Variants in TAB2 observed in about 807,000 individuals in gnomAD.
TAB2 encodes the protein TGF-beta-activated kinase 1 and MAP3K7-binding protein 2.
Under a neutral mutation model 65.0 loss-of-function variants are expected in TAB2, and 3 were observed. The observed-to-expected ratio is 0.05, with a 90% CI of 0.02 to 0.12. The LOEUF is 0.12. Among genes scored for constraint, TAB2 ranks in the 10% least tolerant of loss-of-function variants. The pLI is 1.00. For missense variants in TAB2, 623 were observed against 840.3 expected, an observed-to-expected ratio of 0.74 and a Z score of 3.20; for synonymous variants, 298 against 285.1, an observed-to-expected ratio of 1.05 and a Z score of -0.46.
chr6:149,326,779 C>T (rs1779634269), intron 1 of TAB2, among the ~76,000 whole-genome samples: 1 of 152,152 alleles, frequency 6.6e-6, no homozygotes, highest in Non-Finnish European at 1.5e-5. Flanking sequence ...AACTCCTGAC[C>T]TCAGGTGATC....
intron 1 of TAB2, among the ~76,000 whole-genome samples, chr6:149,238,076 C>T (rs1485076918): frequency 1.3e-5 from 2 of 152,178 alleles, no homozygotes; most frequent in Non-Finnish European, 2.9e-5. Context: ...TGGCTCCCAC[C>T]TTCACTAATT....
chr6:149,403,852 C>T (rs1347939578), intron 6 of TAB2, among the ~76,000 whole-genome samples: 1 of 152,074 alleles, frequency 6.6e-6, no homozygotes, highest in Admixed American at 6.6e-5. Flanking sequence ...GAGAAACCTG[C>T]ACCAAGGTAT....
intron 1 of TAB2, among the ~76,000 whole-genome samples, chr6:149,234,124 ACTCACAAACCG>A (rs1777453269): frequency 6.6e-6 from 1 of 152,126 alleles, no homozygotes. Context: ...GACACCTATG[ACTCACAAACCG>A]CTCCTAGTAT....
chr6:149,379,535 AGGTGG>A lies in TAB2; in HGVS notation c.1603+19_1603+23del. ...ACACACAAGGTAATATGAATACTAA[AGGTGG>A]GATGGTTTTCCATGCTGGGCTTGTT... On this transcript the variant is annotated intron_variant, in intron 3 of 6. Coordinates refer to ENST00000637181, the MANE Select transcript of TAB2 (RefSeq NM_001292034.3). The A allele has an allele frequency of 6.2e-7, 1 of 1,613,660 alleles. No individual in the cohort carries two copies. The highest frequency in any genetic ancestry group is 1.7e-5 in the Admixed American group (1 of 60,026).
At chr6:149,256,724 A>G (rs1162822182) in intron 1 of TAB2, among the ~76,000 whole-genome samples, 1 of 152,194 alleles carries the variant, frequency 6.6e-6, no homozygotes, top group Non-Finnish European at 1.5e-5. Flanking sequence ...AAAATATAAG[A>G]TGACTGACAT....
chr6:149,300,784 A>C (rs756498895), intron 1 of TAB2, among the ~76,000 whole-genome samples: 1 of 152,170 alleles, frequency 6.6e-6, no homozygotes, highest in Non-Finnish European at 1.5e-5. Context: ...CCAGGAGAGC[A>C]CTGGGGGGGT....
At chr6:149,372,278 C>T (rs1247637635) in intron 2 of TAB2, 3 of 151,974 alleles carry the variant, frequency 2.0e-5, no homozygotes, top group Non-Finnish European at 2.9e-5. Flanking sequence ...ATAGACAGAG[C>T]AAGACAAATA....
intron 1 of TAB2, among the ~76,000 whole-genome samples, chr6:149,349,071 C>T (rs1318660322): frequency 2.0e-5 from 3 of 151,322 alleles, no homozygotes; most frequent in African/African-American, 7.3e-5. Context: ...CTCAATGAGA[C>T]CTAAAGTTTG....
intron 1 of TAB2, among the ~76,000 whole-genome samples, chr6:149,305,486 CT>C (rs1363575741): frequency 2.0e-5 from 3 of 152,076 alleles, no homozygotes; most frequent in African/African-American, 7.2e-5. Context: ...ATAAAAGCAC[CT>C]CCTAATTACT....
intron 1 of TAB2, among the ~76,000 whole-genome samples, chr6:149,231,970 G>T (rs1777414143): frequency 6.6e-6 from 1 of 152,198 alleles, no homozygotes. Context: ...GCAAAGGACA[G>T]CGAGAGGATC....
At chr6:149,274,267 T>C (rs1778414788) in intron 1 of TAB2, among the ~76,000 whole-genome samples, 1 of 152,258 alleles carries the variant, frequency 6.6e-6, no homozygotes, top group African/African-American at 2.4e-5. Context: ...TAAGGGATCC[T>C]GTTGCTAAAG....
At chr6:149,320,838 C>T (rs1039354971) in intron 1 of TAB2, among the ~76,000 whole-genome samples, 5 of 151,924 alleles carry the variant, frequency 3.3e-5, no homozygotes, top group African/African-American at 1.2e-4. Context: ...ATTATAATTC[C>T]ATTATATCTC....
chr6:149,270,788 C>T (rs9485366), intron 1 of TAB2, among the ~76,000 whole-genome samples: 1 of 152,166 alleles, frequency 6.6e-6, no homozygotes, highest in Non-Finnish European at 1.5e-5. Context: ...ATGGTCAACT[C>T]GCCCAGCTTT....
chr6:149,255,213 GGA>G (rs1157551009), intron 1 of TAB2: 1 of 152,198 alleles, frequency 6.6e-6, no homozygotes, highest in Non-Finnish European at 1.5e-5. Context: ...GTTAGAAGAG[GGA>G]GAGACACCAG....
intron 1 of TAB2, among the ~76,000 whole-genome samples, chr6:149,321,693 T>C (rs1039577367): frequency 6.6e-6 from 1 of 152,208 alleles, no homozygotes; most frequent in Non-Finnish European, 1.5e-5. Context: ...GTTTACTTTA[T>C]TTCCTATTCC....
At chr6:149,318,041 C>T (rs1032824039) in intron 1 of TAB2, 26 bp downstream of exon 1, 14 of 158,438 alleles carry the variant, frequency 8.8e-5, no homozygotes, top group African/African-American at 1.2e-4. Context: ...TGCCGGGCCT[C>T]GGCGGGATCC....
At chr6:149,236,571 T>C (rs908695954) in intron 1 of TAB2, among the ~76,000 whole-genome samples, 3 of 152,194 alleles carry the variant, frequency 2.0e-5, no homozygotes, top group African/African-American at 7.2e-5. Context: ...GAAAAAGAGA[T>C]AGGAGGCTAA....
chr6:149,339,920 C>T (rs995883118), intron 1 of TAB2, among the ~76,000 whole-genome samples: 4 of 152,200 alleles, frequency 2.6e-5, no homozygotes, highest in African/African-American at 9.6e-5. Context: ...TGTTTAATTG[C>T]TCTGTTCATA....
intron 1 of TAB2, among the ~76,000 whole-genome samples, chr6:149,366,590 T>A (rs1278032942): frequency 1.3e-5 from 2 of 152,136 alleles, no homozygotes; most frequent in Admixed American, 1.3e-4. Flanking sequence ...AAGTTACCCT[T>A]GCTGTTTCCT....
Sources: gnomAD v4.1 joint callset for allele counts (sites outside exome capture counted in the v4.1 genomes callset) on GRCh38, gnomAD v4.1.1 for gene constraint, MANE v1.5 for transcripts, NCBI Gene and HGNC (gene_info 2026-07-23, HGNC 2026-07-21) for gene names.